NEK1: variants seen among roughly 807,000 people sequenced by gnomAD.
NEK1 encodes the protein serine/threonine-protein kinase Nek1.
NEK1 carries 137 observed loss-of-function variants against 182.1 expected under a neutral mutation model. That is an observed-to-expected ratio of 0.75 (90% CI 0.65 to 0.87). NEK1 has a LOEUF of 0.87. Ranked by LOEUF, NEK1 falls within the 40% of genes least tolerant of loss-of-function variation. NEK1 has a pLI of 0.00. For synonymous variants in NEK1, 513 were observed against 492.2 expected (o/e 1.04, Z -0.56); for missense variants, 1,391 against 1,494.4 (o/e 0.93, Z 1.14).
chr4:169,426,237 G>C lies in NEK1; in HGVS notation c.2886-3C>G. 6.2e-7 allele frequency: 1 copy of C among 1,611,362 alleles called. No individual in the cohort carries two copies. The stretch of plus-strand genomic sequence containing the variant: ...GAATGGTGATCCTATCTGCCGACCT[G>C]CCACAGATGGGTACACCAATTAAAA... On this transcript the variant is annotated splice_region_variant and splice_polypyrimidine_tract_variant and intron_variant, in intron 29 of 35. Transcript: ENST00000507142.
At chr4:169,606,547 C>G (rs772803293) in intron 2 of NEK1, among the ~76,000 whole-genome samples, 1 of 152,108 alleles carries the variant, frequency 6.6e-6, no homozygotes, top group South Asian at 2.1e-4. Flanking sequence ...AGGACTCAAA[C>G]AGGATTGGTG....
intron 12 of NEK1, among the ~76,000 whole-genome samples, chr4:169,573,177 T>C (rs1765144778): frequency 6.6e-6 from 1 of 152,184 alleles, no homozygotes; most frequent in South Asian, 2.1e-4. Context: ...AAACAGGTCA[T>C]CCAAAGTAAA....
intron 27 of NEK1, among the ~76,000 whole-genome samples, chr4:169,454,501 T>C (rs1281470400): frequency 1.3e-5 from 2 of 151,856 alleles, no homozygotes; most frequent in Non-Finnish European, 1.5e-5. Context: ...AACAACCCCA[T>C]CAAAAGGTGG....
intron 26 of NEK1, among the ~76,000 whole-genome samples, chr4:169,476,826 A>G (rs989710557): frequency 1.3e-5 from 2 of 152,114 alleles, no homozygotes; most frequent in Non-Finnish European, 2.9e-5. Context: ...TTAATTTAAC[A>G]TGGTATACAG....
At chr4:169,529,057 T>C (rs1297245536) in intron 19 of NEK1, among the ~76,000 whole-genome samples, 1 of 152,180 alleles carries the variant, frequency 6.6e-6, no homozygotes, top group Non-Finnish European at 1.5e-5. Context: ...AAAATTAGAA[T>C]ACATTTTGAA....
chr4:169,427,812 T>C (rs1174956741), intron 29 of NEK1, among the ~76,000 whole-genome samples: 1 of 151,708 alleles, frequency 6.6e-6, no homozygotes, highest in Non-Finnish European at 1.5e-5. Flanking sequence ...TTTTATTTTT[T>C]AAGCTTATAT....
At chr4:169,601,811 G>A (rs987169220) in intron 4 of NEK1, among the ~76,000 whole-genome samples, 197 bp downstream of exon 4, 1 of 151,406 alleles carries the variant, frequency 6.6e-6, no homozygotes, top group Non-Finnish European at 1.5e-5. Flanking sequence ...ACTCCAGCCT[G>A]GGCCACTGAG....
intron 12 of NEK1, among the ~76,000 whole-genome samples, chr4:169,570,484 C>T (rs1425377099): frequency 4.6e-5 from 7 of 150,808 alleles, no homozygotes; most frequent in Admixed American, 6.6e-5. Context: ...CCCGGCCAGC[C>T]GCCCCGTCCG....
At chr4:169,582,137 G>A (rs1766755468) in intron 10 of NEK1, among the ~76,000 whole-genome samples, 1 of 151,680 alleles carries the variant, frequency 6.6e-6, no homozygotes, top group Non-Finnish European at 1.5e-5. Flanking sequence ...TACTTTGTGG[G>A]GAAGGCAAAG....
intron 18 of NEK1, among the ~76,000 whole-genome samples, chr4:169,550,833 T>C (rs1276470841): frequency 6.6e-6 from 1 of 152,228 alleles, no homozygotes; most frequent in Admixed American, 6.5e-5. Flanking sequence ...AGCACTATGC[T>C]TTTGGGCCAC....
At position 169,561,571 on chromosome 4, in the gene NEK1, T is replaced by G. The variant is rs112361330; in HGVS notation, c.1192-17A>C. ...TCTTTCCAACTTTGGGGAAAAGAAA[T>G]AAACAAAACACCATTTCAAGTATTT... On this transcript the variant is annotated splice_polypyrimidine_tract_variant and intron_variant, in intron 15 of 35. Coordinates refer to ENST00000507142, the MANE Select transcript of NEK1 (RefSeq NM_001199397.3). The G allele has an allele frequency of 4.2e-5, 68 of 1,610,392 alleles. 1 individual carries two copies. In the Middle Eastern group the frequency reaches 8.3e-4, roughly 20 times the overall value.
intron 18 of NEK1, among the ~76,000 whole-genome samples, chr4:169,543,256 A>G (rs1759767753): frequency 6.6e-6 from 1 of 152,132 alleles, no homozygotes; most frequent in Non-Finnish European, 1.5e-5. Context: ...TCCTTTCCCC[A>G]CCACTTGTTT....
At chr4:169,423,743 G>A (rs540838077) in intron 31 of NEK1, among the ~76,000 whole-genome samples, 22 of 152,202 alleles carry the variant, frequency 1.4e-4, no homozygotes, top group African/African-American at 5.1e-4. Flanking sequence ...GATAAGAGGT[G>A]TGATTACAAC....
intron 26 of NEK1, among the ~76,000 whole-genome samples, chr4:169,471,899 C>T (rs567503417): frequency 1.6e-3 from 242 of 152,212 alleles, no homozygotes; most frequent in South Asian, 7.1e-3. Flanking sequence ...GGGTTCTGCA[C>T]CCAGTTCAAA....
chr4:169,419,440 G>A (rs1451344209), intron 31 of NEK1, among the ~76,000 whole-genome samples: 1 of 151,928 alleles, frequency 6.6e-6, no homozygotes, highest in African/African-American at 2.4e-5. Flanking sequence ...CTGCACAAAG[G>A]AACAAAAAAT....
chr4:169,524,505 TCAGTCTATATA>T (rs1756595048), intron 19 of NEK1, among the ~76,000 whole-genome samples: 1 of 150,186 alleles, frequency 6.7e-6, no homozygotes, highest in African/African-American at 2.5e-5. Context: ...GAAAAATGTC[TCAGTCTATATA>T]CAGTAAAATT....
intron 27 of NEK1, among the ~76,000 whole-genome samples, chr4:169,441,753 C>T (rs1308401352): frequency 6.6e-6 from 1 of 152,194 alleles, no homozygotes; most frequent in African/African-American, 2.4e-5. Context: ...AGCCTGCCAG[C>T]ACCCACACAC....
chr4:169,400,782 T>A, intron 33 of NEK1, 131 bp from the exon 34 acceptor site: 1 of 610,086 alleles, frequency 1.6e-6, no homozygotes, highest in Non-Finnish European at 2.5e-6. Context: ...TATAAACAGT[T>A]TTTGTCATTT....
rs1246103461 is a variant in NEK1 at position 169,424,538 on chromosome 4, G to T, written c.3222+15C>A. On this transcript the variant is annotated intron_variant, in intron 31 of 35. Coordinates refer to ENST00000507142, the MANE Select transcript of NEK1 (RefSeq NM_001199397.3). ...ATCGAATGGATAATATTTTCCACTT[G>T]AGGACCATACTTGCCTTTGGGTTGT... is the stretch of plus-strand genomic sequence containing the variant. 4 of 1,560,640 alleles carry T rather than the reference G, an allele frequency of 2.6e-6. No homozygotes were observed. Among genetic ancestry groups the T allele is most frequent in the South Asian group, 1.2e-5 (1 of 82,328 alleles).
Sources: allele counts gnomAD v4.1 joint callset (sites outside exome capture counted in the v4.1 genomes callset), GRCh38; gene constraint gnomAD v4.1.1; transcripts MANE v1.5; gene names NCBI Gene and HGNC (gene_info 2026-07-23, HGNC 2026-07-21).